STK36: variants seen among roughly 807,000 people sequenced by gnomAD.
STK36 encodes the protein serine/threonine kinase 36.
In STK36, 116 loss-of-function variants were observed where a neutral mutation model predicts 142.2. That is an observed-to-expected ratio of 0.82 (90% CI 0.70 to 0.95). The LOEUF is 0.95. STK36 is among the 40% of genes least tolerant of loss of function. The probability of loss-of-function intolerance (pLI) is 0.00; values close to 1 mark genes in which losing one functional copy is unlikely to be tolerated. For missense variants in STK36, 1,422 were observed against 1,617.2 expected, an observed-to-expected ratio of 0.88 and a Z score of 2.07; for synonymous variants, 619 against 641.7, an observed-to-expected ratio of 0.96 and a Z score of 0.53.
chr2:218,672,332 TTGGCCTGAGGAGCTTGG>T, intron 1 of STK36, 117 bp downstream of exon 1: 1 of 363,380 alleles, frequency 2.8e-6, no homozygotes, highest in South Asian at 3.0e-5. Context: ...AATCCGTCCC[TTGGCCTGAGGAGCTTGG>T]AGCTCCTAGG....
In STK36 at chr2:218,702,121, G is replaced by T; in HGVS notation, c.*112G>T. On this transcript the variant is annotated 3_prime_UTR_variant, in exon 27 of 27. Transcript: ENST00000295709. Reference sequence around the variant, plus strand: ...AAAGAGACTAGAAAAGAGATAAGCTGCCAACTCAACTGAGAACAAGAAACT... The same window carrying T: ...AAAGAGACTAGAAAAGAGATAAGCTTCCAACTCAACTGAGAACAAGAAACT... 7.5e-7 allele frequency: 1 copy of T among 1,332,686 alleles called. No individual in the cohort carries two copies. 82.6% of individuals were successfully genotyped at this position (1,332,686 alleles called of 1,614,324 possible).
chr2:218,696,474 C>T (rs562848842), intron 21 of STK36, 53 bp from the exon 22 acceptor site: 27 of 1,535,650 alleles, frequency 1.8e-5, no homozygotes, highest in African/African-American at 5.5e-5. Flanking sequence ...CTTGGTTTAA[C>T]GGACACCCCA....
Position 218,694,032 on chromosome 2 carries a change from C to A in STK36, c.2336+49C>A. ...CCACAGAAGTCTTCTAGCCACATAG[C>A]TAACCCTCACAAAGAGTATGGGGAA... On this transcript the variant is annotated intron_variant, in intron 19 of 26. Transcript: ENST00000295709. This position sits in a 1 kb window ranked among gnomAD's most constrained non-coding sequence, Gnocchi z 4.4. 1 of 1,556,926 alleles carries A rather than the reference C, an allele frequency of 6.4e-7. No individual in the cohort carries two copies.
chr2:218,686,780 C>G (rs1341362292), intron 11 of STK36, among the ~76,000 whole-genome samples: 1 of 152,136 alleles, frequency 6.6e-6, no homozygotes, highest in East Asian at 1.9e-4. Context: ...TGGGTAACTA[C>G]GTAGGAGTAG....
At chr2:218,680,776 C>T in intron 10 of STK36, 74 bp downstream of exon 10, 2 of 1,298,298 alleles carry the variant, frequency 1.5e-6, no homozygotes, top group Non-Finnish European at 2.2e-6. Context: ...TTTTCTAGAA[C>T]AGTGATTCCC....
In STK36 at chr2:218,702,059, T is replaced by C; in HGVS notation, c.*50T>C. The C allele has an allele frequency of 1.2e-6, 2 of 1,605,914 alleles. No homozygotes were observed. Among genetic ancestry groups the C allele is most frequent in the East Asian group, 4.5e-5 (2 of 44,780 alleles). ...CCAACTTTGGTTGCCAGCTCTTTCT[T>C]ATTCTACTACACAAGCCGCCAACTC... On this transcript the variant is annotated 3_prime_UTR_variant, in exon 27 of 27. Coordinates refer to ENST00000295709, the MANE Select transcript of STK36 (RefSeq NM_015690.5).
intron 25 of STK36, 64 bp downstream of exon 25, chr2:218,698,065 C>T: frequency 6.2e-7 from 1 of 1,601,496 alleles, no homozygotes; most frequent in South Asian, 1.1e-5. Flanking sequence ...CTCTAATTTA[C>T]TTCCCAGCAG....
chr2:218,685,805 A>G (rs891709425), intron 11 of STK36, among the ~76,000 whole-genome samples: 1 of 152,214 alleles, frequency 6.6e-6, no homozygotes, highest in Non-Finnish European at 1.5e-5. Flanking sequence ...TTATTCAGGT[A>G]TAATTTATGT....
At chr2:218,675,561 G>C (rs1001786172) in intron 5 of STK36, 88 bp downstream of exon 5, 1 of 1,420,506 alleles carries the variant, frequency 7.0e-7, no homozygotes, top group African/African-American at 1.8e-5. Flanking sequence ...TTTCACTCTT[G>C]TTACCCAGGC....
At chr2:218,696,889 A>G in intron 22 of STK36, 150 bp from the exon 23 acceptor site, 1 of 1,196,378 alleles carries the variant, frequency 8.4e-7, no homozygotes, top group East Asian at 2.3e-5. Context: ...AAGAAAATGA[A>G]ATAAGACGAC....
At chr2:218,685,676 A>G (rs540283216) in intron 11 of STK36, among the ~76,000 whole-genome samples, 1 of 152,182 alleles carries the variant, frequency 6.6e-6, no homozygotes, top group South Asian at 2.1e-4. Flanking sequence ...ATTTTGCTTA[A>G]TTAGCATTCA....
intron 26 of STK36, 116 bp downstream of exon 26, chr2:218,699,464 T>G: frequency 1.4e-6 from 2 of 1,442,866 alleles, no homozygotes; most frequent in Non-Finnish European, 1.8e-6. Flanking sequence ...TATGCCGTGT[T>G]TCTCCCAGGG....
chr2:218,698,782 G>A lies in STK36; in HGVS notation c.3238G>A (p.Asp1080Asn), dbSNP rs1317724426. The A allele has an allele frequency of 9.9e-6, 16 of 1,613,974 alleles. No individual in the cohort carries two copies. The highest frequency in any genetic ancestry group is 1.7e-5 in the Admixed American group (1 of 60,002). Residue 1080 changes from aspartate (D) to asparagine (N), a missense_variant, in exon 26 of 27, where the codon GAC becomes AAC. By Grantham distance (23) the Asp-to-Asn change is conservative. Around this residue, in one of 2 missense-constraint regions of STK36, gnomAD observed 962 missense variants for 1,167.5 expected, o/e 0.82. Transcript: ENST00000295709. ...GAGTGACCAGCCACTGTTGACCTCC[G>A]ACCTTCTCTCTCTGCTGGCCCATAC... ...LLSDQPLLTS[D>N]LLSLLAHTAR...
chr2:218,699,280 C>T lies in STK36; in HGVS notation c.3736C>T (p.Gln1246Ter), dbSNP rs1941359273. ...CCTAGAAATGGCATGTGGAGACCCC[C>T]AGCCAAATGTGAAGGAGGCTGCCCT... ...RLLEMACGDPQPNVKEAALIA... is the reference protein window; with the variant it reads ...RLLEMACGDP Residue 1246 changes from glutamine to a stop codon, truncating the protein, a stop_gained, in exon 26 of 27, where the codon CAG becomes TAG. Transcript: ENST00000295709. LOFTEE classifies it high-confidence loss of function. 6.2e-7 allele frequency: 1 copy of T among 1,614,088 alleles called. No individual in the cohort carries two copies. The highest frequency in any genetic ancestry group is 1.3e-5 in the African/African-American group (1 of 75,048).
intron 4 of STK36, 22 bp downstream of exon 4, chr2:218,673,978 T>G: frequency 6.2e-7 from 1 of 1,606,458 alleles, no homozygotes; most frequent in South Asian, 1.1e-5. Context: ...GCCTTCAACT[T>G]CTCCCCACCT....
At chr2:218,689,375 G>A (rs969677157) in intron 12 of STK36, among the ~76,000 whole-genome samples, 2 of 152,226 alleles carry the variant, frequency 1.3e-5, no homozygotes, top group African/African-American at 4.8e-5. Context: ...TCACTAATTT[G>A]TAAATGGTCA....
Position 218,672,793 on chromosome 2 carries a change from T to A in STK36, c.-37T>A. Reference sequence around the variant, plus strand: ...TGGATCTATAGCTCTTCACCGTCTCTACTTTCTTCCTTCTAAGAGATCCTG... The same window carrying A: ...TGGATCTATAGCTCTTCACCGTCTCAACTTTCTTCCTTCTAAGAGATCCTG... On this transcript the variant is annotated 5_prime_UTR_variant, in exon 2 of 27. Coordinates refer to ENST00000295709, the MANE Select transcript of STK36 (RefSeq NM_015690.5). The A allele has an allele frequency of 6.2e-7, 1 of 1,605,656 alleles. No individual in the cohort carries two copies. The highest frequency in any genetic ancestry group is 8.5e-7 in the Non-Finnish European group (1 of 1,172,436).
At position 218,701,235 on chromosome 2, in the gene STK36, C is replaced by T. The variant is rs1451369893; in HGVS notation, c.3805-631C>T. The stretch of plus-strand genomic sequence containing the variant: ...CTGCAAGCTCTGCCTCCCGGGTTCA[C>T]GCCATTCTGCCTCAGCCTCCCGAGT... On this transcript the variant is annotated intron_variant, in intron 26 of 26. Coordinates refer to ENST00000295709, the MANE Select transcript of STK36 (RefSeq NM_015690.5). 6.6e-5 allele frequency among the ~76,000 whole-genome samples: 10 copies of T among 150,900 alleles called. No homozygotes were observed. In the South Asian group the frequency reaches 8.4e-4, roughly 13 times the overall value.
At chr2:218,675,520 CTTTTTTTTTTTTT>C in intron 5 of STK36, 47 bp downstream of exon 5, 1 of 1,147,714 alleles carries the variant, frequency 8.7e-7, no homozygotes, top group Non-Finnish European at 1.1e-6. Flanking sequence ...CACACGGAAT[CTTTTTTTTTTTTT>C]TTTTTTTTGA....
Sources: gnomAD v4.1 joint callset for allele counts (sites outside exome capture counted in the v4.1 genomes callset) on GRCh38, gnomAD v4.1.1 for gene constraint, gnomAD v4.1.1 regional missense constraint, Gnocchi (gnomAD v3.1) non-coding constraint, MANE v1.5 for transcripts, NCBI Gene and HGNC (gene_info 2026-07-23, HGNC 2026-07-21) for gene names.